The following GALNT9 variants were observed in gnomAD, a reference collection of about 807,000 sequenced individuals.
GALNT9 encodes GalNAc transferase 9.
Under a neutral mutation model 63.1 loss-of-function variants are expected in GALNT9, and 47 were observed. The ratio of observed to expected loss-of-function variants is 0.75; its 90% CI spans 0.59 to 0.95. The LOEUF (loss-of-function observed/expected upper bound fraction) is 0.95, where lower values mean the gene tolerates loss of function less well. GALNT9 is among the 40% of genes least tolerant of loss of function. The pLI, the probability that GALNT9 is intolerant of heterozygous loss-of-function variation, is 0.00. For synonymous variants in GALNT9, 396 were observed against 365.7 expected (o/e 1.08, Z -0.94); for missense variants, 829 against 874.8 (o/e 0.95, Z 0.66).
intron 4 of GALNT9, among the ~76,000 whole-genome samples, chr12:132,260,165 G>C (rs1426866339): frequency 6.6e-6 from 1 of 152,220 alleles, no homozygotes; most frequent in Non-Finnish European, 1.5e-5. Context: ...CATAAGGCAG[G>C]GATGGAGAAA....
chr12:132,209,972 C>T (rs1003854799), intron 6 of GALNT9, among the ~76,000 whole-genome samples: 6 of 152,338 alleles, frequency 3.9e-5, no homozygotes, highest in South Asian at 2.1e-4. Context: ...TCTGTGGACT[C>T]GCCCCGAATT....
At chr12:132,250,854 C>T (rs566570515) in intron 5 of GALNT9, among the ~76,000 whole-genome samples, 8 of 152,300 alleles carry the variant, frequency 5.3e-5, no homozygotes, top group East Asian at 1.9e-4. Flanking sequence ...CGGTGGGCAC[C>T]GCCCGTGTGG....
At chr12:132,328,300 G>T (rs982613859) in intron 1 of GALNT9, among the ~76,000 whole-genome samples, 17 of 152,218 alleles carry the variant, frequency 1.1e-4, no homozygotes, top group African/African-American at 4.1e-4. Flanking sequence ...GGGCTCCCAG[G>T]TGCCACAACT....
rs35780419 is a variant in GALNT9 at position 132,319,964 on chromosome 12, GC to G, written c.238+9001del. ...CCTAAGGAAAAGGGGGCGGCCAGCG[GC>G]CCCCACCGCTGGGTCACGCTATCCC... On this transcript the variant is annotated intron_variant, in intron 1 of 10. Transcript: ENST00000328957. The surrounding 1 kb of genome is among the most constrained non-coding windows in gnomAD (Gnocchi z 5.2). 2.6e-5 allele frequency among the ~76,000 whole-genome samples: 4 copies of G among 152,304 alleles called. No homozygotes were observed. Among genetic ancestry groups the G allele is most frequent in the African/African-American group, 9.6e-5 (4 of 41,594 alleles).
intron 6 of GALNT9, among the ~76,000 whole-genome samples, chr12:132,204,137 G>A (rs1876457703): frequency 7.0e-6 from 1 of 143,690 alleles, no homozygotes; most frequent in Admixed American, 7.1e-5. Flanking sequence ...CGCATCCCCA[G>A]AACACACACA....
chr12:132,201,417 C>CCG (rs1193248753), intron 7 of GALNT9, 156 bp from the exon 8 acceptor site: 3 of 245,934 alleles, frequency 1.2e-5, no homozygotes, highest in African/African-American at 6.8e-5. Context: ...GTTGGGACCC[C>CCG]CCAGCCTCCT....
In GALNT9 at chr12:132,286,106, C is replaced by T. The variant is rs1278674613; in HGVS notation, c.419+144G>A. ...GGGGGGCGGTCACTTCCCCGGCGGGCGTGGGGGGCGGTCACTTCCCTGGCG... is the reference window on the plus strand; with the variant it reads ...GGGGGGCGGTCACTTCCCCGGCGGGTGTGGGGGGCGGTCACTTCCCTGGCG... On this transcript the variant is annotated intron_variant, in intron 2 of 10. Coordinates refer to ENST00000328957, the MANE Select transcript of GALNT9 (RefSeq NM_001122636.2). This position sits in a 1 kb window ranked among gnomAD's most constrained non-coding sequence, Gnocchi z 7.4. 1.3e-5 allele frequency: 14 copies of T among 1,066,188 alleles called. No individual in the cohort carries two copies. Among genetic ancestry groups the T allele is most frequent in the Middle Eastern group, 6.5e-4 (2 of 3,058 alleles). The allele number at this position is 1,066,188 out of a possible 1,614,324, so 66.0% of individuals were successfully genotyped here.
intron 6 of GALNT9, among the ~76,000 whole-genome samples, chr12:132,227,855 C>T (rs1443389059): frequency 1.3e-5 from 2 of 152,080 alleles, no homozygotes; most frequent in African/African-American, 4.8e-5. Flanking sequence ...CTCAGCGGGG[C>T]TTCCCCACAG....
rs782170876 is a variant in GALNT9, at chr12:132,321,252, G to GTCGAGGCCCCTGTGGGTCCAGAA, written c.238+7691_238+7713dup. On this transcript the variant is annotated intron_variant, in intron 1 of 10. Transcript: ENST00000328957. ...GAGTCGAGGCCCCTGTCGGTCCGGA[G>GTCGAGGCCCCTGTGGGTCCAGAA]TCGAGGCCCCTGTGGGTCCAGAATC... Among the ~76,000 whole-genome samples, 60 of 147,516 alleles carry GTCGAGGCCCCTGTGGGTCCAGAA rather than the reference G, an allele frequency of 4.1e-4. 1 individual carries two copies. The highest frequency in any genetic ancestry group is 3.8e-3 in the East Asian group (18 of 4,798).
intron 1 of GALNT9, among the ~76,000 whole-genome samples, chr12:132,308,830 A>C (rs1010761979): frequency 2.6e-5 from 4 of 151,578 alleles, no homozygotes; most frequent in African/African-American, 9.7e-5. Flanking sequence ...CTCACACCTC[A>C]CCCACGGGGC....
At chr12:132,298,193 C>T (rs942273319) in intron 1 of GALNT9, among the ~76,000 whole-genome samples, 1 of 151,936 alleles carries the variant, frequency 6.6e-6, no homozygotes, top group Non-Finnish European at 1.5e-5. Flanking sequence ...TAACTCGTTC[C>T]CAAGGAAACC....
In GALNT9 at chr12:132,199,285, C is replaced by T. The variant is rs1182690081; in HGVS notation, c.1402-16G>A. 6.3e-7 allele frequency: 1 copy of T among 1,582,044 alleles called. No homozygotes were observed. The highest frequency in any genetic ancestry group is 8.6e-7 in the Non-Finnish European group (1 of 1,160,646). On this transcript the variant is annotated splice_polypyrimidine_tract_variant and intron_variant, in intron 8 of 10. Transcript: ENST00000328957. The stretch of plus-strand genomic sequence containing the variant: ...TGTTTCTCACCTGCAAGCAGAAGCC[C>T]CAGGAGAAAGTCCAGAGTCACCCGA...
Position 132,286,606 on chromosome 12 carries a change from C to A in GALNT9, c.239-176G>T. The A allele has an allele frequency of 2.6e-6, 3 of 1,141,112 alleles. No individual in the cohort carries two copies. The highest frequency in any genetic ancestry group is 3.6e-6 in the Non-Finnish European group (3 of 837,048). 70.7% of individuals were successfully genotyped at this position (1,141,112 alleles called of 1,614,324 possible). A position where few individuals can be genotyped will look rare whatever the true frequency, so the allele number is the denominator to read the frequency against. ...ACATTCCAGAAAGTGCAAGGCTGTG[C>A]GCGGAGTGAGAGGGCGGTGCCAGGC... On this transcript the variant is annotated intron_variant, in intron 1 of 10. Coordinates refer to ENST00000328957, the MANE Select transcript of GALNT9 (RefSeq NM_001122636.2). This position sits in a 1 kb window ranked among gnomAD's most constrained non-coding sequence, Gnocchi z 7.4.
intron 1 of GALNT9, among the ~76,000 whole-genome samples, chr12:132,287,994 C>T (rs983363952): frequency 2.6e-5 from 4 of 152,204 alleles, no homozygotes; most frequent in Non-Finnish European, 5.9e-5. Context: ...CTTTTGTCAG[C>T]TTGCACAGAG....
chr12:132,324,708 G>A (rs1555246405), intron 1 of GALNT9, among the ~76,000 whole-genome samples: 1 of 152,140 alleles, frequency 6.6e-6, no homozygotes, highest in Non-Finnish European at 1.5e-5. Flanking sequence ...GCAAGTGTTG[G>A]GTGGCCTGGC....
Position 132,199,308 on chromosome 12 carries a change from C to T in GALNT9, c.1402-39G>A, listed in dbSNP as rs377468742. On this transcript the variant is annotated intron_variant, in intron 8 of 10. Transcript: ENST00000328957. ...CCCCAGGAGAAAGTCCAGAGTCACCCGAGGGTGCGGCCCCAGGGAGCTTCA... is the reference window on the plus strand; with the variant it reads ...CCCCAGGAGAAAGTCCAGAGTCACCTGAGGGTGCGGCCCCAGGGAGCTTCA... 47 of 1,473,656 alleles carry T rather than the reference C, an allele frequency of 3.2e-5. No homozygotes were observed. The African/African-American group carries it at 4.0e-4, about 13-fold the overall frequency. The allele number at this position is 1,473,656 out of a possible 1,614,324, so 91.3% of individuals were successfully genotyped here.
chr12:132,271,705 C>T (rs868994696), intron 2 of GALNT9, among the ~76,000 whole-genome samples: 34 of 152,154 alleles, frequency 2.2e-4, no homozygotes, highest in African/African-American at 5.3e-4. Flanking sequence ...TGGACCCTGC[C>T]GAAGGCTGTT....
rs1241689380 is a variant in GALNT9, at chr12:132,327,616, G to A, written c.238+1350C>T. Among the ~76,000 whole-genome samples, 1 of 152,152 alleles carries A rather than the reference G, an allele frequency of 6.6e-6. No individual in the cohort carries two copies. Among genetic ancestry groups the A allele is most frequent in the African/African-American group, 2.4e-5 (1 of 41,422 alleles). On this transcript the variant is annotated intron_variant, in intron 1 of 10. Coordinates refer to ENST00000328957, the MANE Select transcript of GALNT9 (RefSeq NM_001122636.2). This position sits in a 1 kb window ranked among gnomAD's most constrained non-coding sequence, Gnocchi z 4.3. Reference sequence around the variant, plus strand: ...GATGAATTGCTCTGCCGGGCGGCTGGGCGGCTGCTTGAACTACTTTTCTCC... The same window carrying A: ...GATGAATTGCTCTGCCGGGCGGCTGAGCGGCTGCTTGAACTACTTTTCTCC...
intron 5 of GALNT9, among the ~76,000 whole-genome samples, chr12:132,251,477 G>A (rs1460504182): frequency 6.6e-6 from 1 of 152,210 alleles, no homozygotes; most frequent in African/African-American, 2.4e-5. Flanking sequence ...TTGTCAATGG[G>A]GTTGGGGTCG....
Sources: allele counts gnomAD v4.1 joint callset (sites outside exome capture counted in the v4.1 genomes callset), GRCh38; gene constraint gnomAD v4.1.1; non-coding constraint Gnocchi (gnomAD v3.1); transcripts MANE v1.5; gene names NCBI Gene and HGNC (gene_info 2026-07-23, HGNC 2026-07-21).